Variants in NHSL1 observed in about 807,000 individuals in gnomAD.
NHSL1 encodes NHS like 1, also known as NHS-like protein 1.
Under a neutral mutation model 95.0 loss-of-function variants are expected in NHSL1, and 48 were observed. That is an observed-to-expected ratio of 0.51 (90% CI 0.40 to 0.64). NHSL1 has a LOEUF of 0.64. Among genes scored for constraint, NHSL1 ranks in the 30% least tolerant of loss-of-function variants. The pLI is 0.00. For synonymous variants in NHSL1, 783 were observed against 833.9 expected (o/e 0.94, Z 1.05); for missense variants, 1,971 against 2,077.7 (o/e 0.95, Z 1.00).
chr6:138,685,869 G>A (rs531856511), intron 1 of NHSL1, among the ~76,000 whole-genome samples: 1 of 152,002 alleles, frequency 6.6e-6, no homozygotes, highest in East Asian at 1.9e-4. Flanking sequence ...CAGCTCCATT[G>A]CTTACCAGCT....
rs1389638641 is a variant in NHSL1, at chr6:138,423,131, A to G, written c.*950T>C. The G allele has an allele frequency of 6.6e-6, 1 of 151,986 alleles. No individual in the cohort carries two copies. Among genetic ancestry groups the G allele is most frequent in the Admixed American group, 6.6e-5 (1 of 15,248 alleles). The allele number at this position is 151,986 out of a possible 1,614,324, so 9.4% of individuals were successfully genotyped here. A position where few individuals can be genotyped will look rare whatever the true frequency, so the allele number is the denominator to read the frequency against. On this transcript the variant is annotated 3_prime_UTR_variant, in exon 8 of 8. Transcript: ENST00000343505. ...AAAAAAAAAACTGTTGTAAAAGGAA[A>G]AGCTCCACCCATAGTTCTGTAGTGC...
At chr6:138,467,371 C>A (rs1045272198) in intron 3 of NHSL1, among the ~76,000 whole-genome samples, 2 of 152,164 alleles carry the variant, frequency 1.3e-5, no homozygotes, top group African/African-American at 2.4e-5. Flanking sequence ...CCAGGATGGT[C>A]TCGATCTCCT....
upstream of NHSL1, among the ~76,000 whole-genome samples, chr6:138,503,433 A>AT (rs1365509655): frequency 5.3e-5 from 8 of 152,082 alleles, no homozygotes; most frequent in Non-Finnish European, 4.4e-5. Flanking sequence ...CCATTAAATG[A>AT]TTTTTTTTAA....
intron 5 of NHSL1, among the ~76,000 whole-genome samples, chr6:138,437,411 T>TAC (rs1368264129): frequency 9.8e-5 from 7 of 71,552 alleles, no homozygotes; most frequent in African/African-American, 4.1e-4. Flanking sequence ...TATACACACA[T>TAC]ATACACACAC....
chr6:138,444,429 T>A (rs1776728180), intron 4 of NHSL1, among the ~76,000 whole-genome samples: 1 of 152,164 alleles, frequency 6.6e-6, no homozygotes, highest in African/African-American at 2.4e-5. Context: ...TATGTACATA[T>A]TAAGTATTTT....
rs368383494 is a variant in NHSL1 at position 138,424,589 on chromosome 6, G to A, written c.4313C>T (p.Ala1438Val). The A allele has an allele frequency of 6.4e-7, 1 of 1,551,552 alleles. No individual in the cohort carries two copies. Among genetic ancestry groups the A allele is most frequent in the African/African-American group, 1.4e-5 (1 of 73,036 alleles). The change falls in exon 8 of 8, where the codon GCA becomes GTA. Residue 1438 changes from alanine (A) to valine (V), a missense_variant. Transcript: ENST00000343505. This position sits in a 1 kb window ranked among gnomAD's most constrained non-coding sequence, Gnocchi z 5.9. ...GTCTGTGTTCTTGAGCATCTCTGCT[G>A]CAGACATGCGGGCGCTGGTGTCTGA... ...SRSDTSARMSAAEMLKNTDPR... is the reference protein window; with the variant it reads ...SRSDTSARMSVAEMLKNTDPR...
chr6:138,478,726 T>C (rs531191466), intron 2 of NHSL1, among the ~76,000 whole-genome samples: 1 of 152,328 alleles, frequency 6.6e-6, no homozygotes, highest in East Asian at 1.9e-4. Flanking sequence ...TCACACATAT[T>C]CTTCTTGCAA....
At chr6:138,587,593 A>G (rs1413879498) in intron 1 of NHSL1, among the ~76,000 whole-genome samples, 2 of 151,920 alleles carry the variant, frequency 1.3e-5, no homozygotes, top group Non-Finnish European at 2.9e-5. Flanking sequence ...AAGAAAGTTT[A>G]CATTCTGTTT....
At chr6:138,656,607 T>C (rs1050119497) in intron 1 of NHSL1, among the ~76,000 whole-genome samples, 1 of 152,192 alleles carries the variant, frequency 6.6e-6, no homozygotes, top group Non-Finnish European at 1.5e-5. Flanking sequence ...CTTCTATAAA[T>C]GAGATTGGAT....
chr6:138,527,016 T>C (rs1192596795), intron 1 of NHSL1, among the ~76,000 whole-genome samples: 1 of 152,202 alleles, frequency 6.6e-6, no homozygotes, highest in Non-Finnish European at 1.5e-5. Flanking sequence ...AGAACGGCAC[T>C]CTACCCTGTC....
intron 1 of NHSL1, among the ~76,000 whole-genome samples, chr6:138,634,589 C>T (rs1313986745): frequency 6.6e-6 from 1 of 151,998 alleles, no homozygotes; most frequent in Non-Finnish European, 1.5e-5. Flanking sequence ...GGAGAGATCC[C>T]AATACAATAA....
intron 3 of NHSL1, among the ~76,000 whole-genome samples, chr6:138,453,109 G>A (rs1020324684): frequency 1.3e-5 from 2 of 151,902 alleles, no homozygotes; most frequent in African/African-American, 4.8e-5. Context: ...CAAGTAGCTG[G>A]GATTACAGGC....
intron 1 of NHSL1, among the ~76,000 whole-genome samples, chr6:138,533,072 G>A (rs933918374): frequency 2.6e-5 from 4 of 152,050 alleles, no homozygotes; most frequent in East Asian, 3.9e-4. Context: ...TAATCAACTC[G>A]CTTAAATAGT....
chr6:138,430,258 C>T lies in NHSL1; in HGVS notation c.3952+135G>A. ...TTAATCTGTGTTTTAACACAGGAAGCCTACATACTGCTAGCTTTAACAGGA... is the reference window on the plus strand; with the variant it reads ...TTAATCTGTGTTTTAACACAGGAAGTCTACATACTGCTAGCTTTAACAGGA... On this transcript the variant is annotated intron_variant, in intron 6 of 7. Transcript: ENST00000343505. The surrounding 1 kb of genome is among the most constrained non-coding windows in gnomAD (Gnocchi z 4.7). 8.0e-7 allele frequency: 1 copy of T among 1,252,696 alleles called. No homozygotes were observed. The highest frequency in any genetic ancestry group is 1.5e-5 in the African/African-American group (1 of 66,094). 77.6% of individuals were successfully genotyped at this position (1,252,696 alleles called of 1,614,324 possible). A position where few individuals can be genotyped will look rare whatever the true frequency, so the allele number is the denominator to read the frequency against.
At chr6:138,508,343 A>T (rs1376282236) in intron 1 of NHSL1, among the ~76,000 whole-genome samples, 2 of 152,198 alleles carry the variant, frequency 1.3e-5, no homozygotes, top group Non-Finnish European at 2.9e-5. Flanking sequence ...TCGGGCTAAC[A>T]TGGTAGAGCT....
chr6:138,480,607 A>G (rs1024725990), intron 2 of NHSL1, among the ~76,000 whole-genome samples: 12 of 152,220 alleles, frequency 7.9e-5, no homozygotes, highest in African/African-American at 2.9e-4. Context: ...CTAGCATGGT[A>G]TTCTACATAT....
chr6:138,484,644 A>G (rs758746702), intron 2 of NHSL1, among the ~76,000 whole-genome samples: 3 of 152,188 alleles, frequency 2.0e-5, no homozygotes, highest in Non-Finnish European at 4.4e-5. Flanking sequence ...AACACCATAG[A>G]CAATCTCATT....
chr6:138,469,716 A>G (rs1778631194), intron 3 of NHSL1, among the ~76,000 whole-genome samples: 1 of 152,152 alleles, frequency 6.6e-6, no homozygotes, highest in African/African-American at 2.4e-5. Flanking sequence ...CAGACTCAAC[A>G]GAGTGAGATC....
At chr6:138,669,901 A>G (rs1785341666) in intron 1 of NHSL1, among the ~76,000 whole-genome samples, 1 of 151,926 alleles carries the variant, frequency 6.6e-6, no homozygotes, top group Non-Finnish European at 1.5e-5. Flanking sequence ...TGGGTGGATC[A>G]CCCGAGGTCA....
Sources: gnomAD v4.1 joint callset for allele counts (sites outside exome capture counted in the v4.1 genomes callset) on GRCh38, gnomAD v4.1.1 for gene constraint, Gnocchi (gnomAD v3.1) non-coding constraint, MANE v1.5 for transcripts, NCBI Gene and HGNC (gene_info 2026-07-23, HGNC 2026-07-21) for gene names.